ZNF536: variants seen among roughly 807,000 people sequenced by gnomAD.
ZNF536 encodes zinc finger protein 536.
Under a neutral mutation model 84.5 loss-of-function variants are expected in ZNF536, and 13 were observed. That is an observed-to-expected ratio of 0.15 (90% confidence interval 0.10 to 0.24). The LOEUF (loss-of-function observed/expected upper bound fraction) is 0.24. ZNF536 is among the 10% of genes least tolerant of loss of function. The pLI is 1.00. For synonymous variants in ZNF536, 811 were observed against 742.5 expected (o/e 1.09, Z -1.50); for missense variants, 1,536 against 1,747.5 (o/e 0.88, Z 2.16).
chr19:30,450,249 G>A (rs1264540790), intron 2 of ZNF536, among the ~76,000 whole-genome samples: 1 of 152,088 alleles, frequency 6.6e-6, no homozygotes, highest in South Asian at 2.1e-4. Flanking sequence ...TGGTTGCTTG[G>A]CCCAGCTGCT....
intron 1 of ZNF536, among the ~76,000 whole-genome samples, chr19:30,616,039 A>T (rs894967411): frequency 3.9e-5 from 6 of 152,128 alleles, no homozygotes; most frequent in Admixed American, 1.3e-4. Flanking sequence ...ATAACCAGCC[A>T]CCTTGTTAAA....
At chr19:30,448,316 G>T (rs910143484) in intron 2 of ZNF536, among the ~76,000 whole-genome samples, 1 of 152,186 alleles carries the variant, frequency 6.6e-6, no homozygotes, top group African/African-American at 2.4e-5. Context: ...AATCTGGTTA[G>T]TCCTCCCTCT....
intron 1 of ZNF536, among the ~76,000 whole-genome samples, chr19:30,427,189 A>G (rs80209362): frequency 0.012 from 1,836 of 152,280 alleles, 39 homozygotes; most frequent in African/African-American, 0.042. Context: ...GATCTCAGAT[A>G]TTTCTCTTGC....
At chr19:30,349,590 G>A (rs971350953) in intron 2 of ZNF536, among the ~76,000 whole-genome samples, 4 of 152,142 alleles carry the variant, frequency 2.6e-5, no homozygotes, top group Non-Finnish European at 1.5e-5. Flanking sequence ...CTAGGTAACC[G>A]AGTGTACACT....
intron 1 of ZNF536, among the ~76,000 whole-genome samples, chr19:30,659,591 G>A (rs2050044443): frequency 6.6e-6 from 1 of 152,220 alleles, no homozygotes; most frequent in South Asian, 2.1e-4. Flanking sequence ...ATGGTGGAAG[G>A]TGGAAAGCAC....
intron 2 of ZNF536, among the ~76,000 whole-genome samples, chr19:30,465,046 A>T (rs1309609500): frequency 2.2e-4 from 34 of 152,148 alleles, no homozygotes; most frequent in Non-Finnish European, 8.8e-5. Context: ...CATTGGAACC[A>T]TATTGTTTCC....
At chr19:30,531,718 G>A (rs1030572765) in intron 2 of ZNF536, among the ~76,000 whole-genome samples, 4 of 151,930 alleles carry the variant, frequency 2.6e-5, no homozygotes, top group Non-Finnish European at 4.4e-5. Flanking sequence ...TCGACCTCTC[G>A]AGTTCAAGCA....
At chr19:30,328,417 G>A (rs1326227358) in intron 2 of ZNF536, among the ~76,000 whole-genome samples, 2 of 152,188 alleles carry the variant, frequency 1.3e-5, no homozygotes, top group Non-Finnish European at 2.9e-5. Context: ...GAACTCATGG[G>A]CCTCTGTGTA....
intron 2 of ZNF536, among the ~76,000 whole-genome samples, chr19:30,321,995 C>T (rs998373629): frequency 1.3e-5 from 2 of 152,084 alleles, no homozygotes; most frequent in African/African-American, 4.8e-5. Context: ...AGGCAGGTCT[C>T]GAACTCCTGA....
At chr19:30,537,320 T>G (rs895768601) in intron 3 of ZNF536, among the ~76,000 whole-genome samples, 2 of 152,102 alleles carry the variant, frequency 1.3e-5, no homozygotes, top group African/African-American at 4.8e-5. Context: ...TTGGGCAGGG[T>G]GGGGACCCGC....
intron 1 of ZNF536, among the ~76,000 whole-genome samples, chr19:30,646,071 C>T (rs750300189): frequency 1.3e-5 from 2 of 152,002 alleles, no homozygotes; most frequent in Non-Finnish European, 2.9e-5. Context: ...AGAGTTTGGC[C>T]CCTTTGGGGA....
At chr19:30,392,033 A>G (rs915156737) in intron 1 of ZNF536, among the ~76,000 whole-genome samples, 14 of 152,084 alleles carry the variant, frequency 9.2e-5, no homozygotes, top group African/African-American at 3.1e-4. Flanking sequence ...GCAAGTGTGC[A>G]TGGATTCTAG....
At chr19:30,519,909 C>T (rs1329973398) in intron 2 of ZNF536, among the ~76,000 whole-genome samples, 5 of 152,240 alleles carry the variant, frequency 3.3e-5, no homozygotes, top group Admixed American at 3.3e-4. Context: ...CATATACGCT[C>T]AGTGCAAACT....
intron 2 of ZNF536, among the ~76,000 whole-genome samples, chr19:30,336,012 G>A (rs1189193825): frequency 6.6e-6 from 1 of 152,214 alleles, no homozygotes; most frequent in Non-Finnish European, 1.5e-5. Context: ...AGACTGGGGT[G>A]AGGGTGTGAT....
chr19:30,567,988 A>G (rs955232446), intron 1 of ZNF536, among the ~76,000 whole-genome samples: 3 of 152,234 alleles, frequency 2.0e-5, no homozygotes, highest in Non-Finnish European at 4.4e-5. Context: ...TAAAAGGATC[A>G]TATGTGTTTC....
intron 1 of ZNF536, among the ~76,000 whole-genome samples, chr19:30,260,494 G>A (rs1275592917): frequency 6.6e-6 from 1 of 152,256 alleles, no homozygotes; most frequent in Non-Finnish European, 1.5e-5. Context: ...CTGCGAGGAA[G>A]GTTGGTGGTC....
chr19:30,410,215 G>T (rs1174362069), intron 1 of ZNF536, among the ~76,000 whole-genome samples: 2 of 151,778 alleles, frequency 1.3e-5, no homozygotes, highest in Admixed American at 1.3e-4. Context: ...AAGTATTTAT[G>T]ATTTTATTTT....
intron 2 of ZNF536, among the ~76,000 whole-genome samples, chr19:30,310,803 C>T (rs1335189949): frequency 1.3e-5 from 2 of 152,150 alleles, no homozygotes; most frequent in East Asian, 1.9e-4. Flanking sequence ...CAATTAACGC[C>T]GAGCACTTTC....
At chr19:30,425,218 C>T (rs1205646444) in intron 1 of ZNF536, among the ~76,000 whole-genome samples, 1 of 151,158 alleles carries the variant, frequency 6.6e-6, no homozygotes, top group Non-Finnish European at 1.5e-5. Context: ...CCAAACGCCA[C>T]GTGTTCCCCA....
Sources: allele counts gnomAD v4.1 joint callset (sites outside exome capture counted in the v4.1 genomes callset), GRCh38; gene constraint gnomAD v4.1.1; transcripts MANE v1.5; gene names NCBI Gene and HGNC (gene_info 2026-07-23, HGNC 2026-07-21).